The following UNC80 variants were observed in gnomAD, a reference collection of about 807,000 sequenced individuals.
UNC80 encodes the protein protein unc-80 homolog.
Under a neutral mutation model 384.6 loss-of-function variants are expected in UNC80, and 164 were observed. That is an observed-to-expected ratio of 0.43 (90% CI 0.38 to 0.49). The LOEUF (loss-of-function observed/expected upper bound fraction) is 0.49, where lower values mean the gene tolerates loss of function less well. Among genes scored for constraint, UNC80 ranks in the 20% least tolerant of loss-of-function variants. The pLI is 0.00. For missense variants in UNC80, 3,330 were observed against 4,143.0 expected, an observed-to-expected ratio of 0.80 and a Z score of 5.39; for synonymous variants, 1,486 against 1,527.8, an observed-to-expected ratio of 0.97 and a Z score of 0.64.
intron 51 of UNC80, among the ~76,000 whole-genome samples, chr2:209,962,852 G>C (rs772564793): frequency 2.0e-5 from 3 of 152,174 alleles, no homozygotes; most frequent in Non-Finnish European, 4.4e-5. Flanking sequence ...ATGTGTAAAA[G>C]TTGGAGCTTA....
At chr2:209,943,266 G>C in intron 44 of UNC80, 114 bp from the exon 45 acceptor site, 1 of 1,363,336 alleles carries the variant, frequency 7.3e-7, no homozygotes, top group Non-Finnish European at 9.8e-7. Flanking sequence ...CTCTCTACCA[G>C]TTTACAAAGT....
At chr2:209,984,186 A>G (rs190733914) in intron 60 of UNC80, among the ~76,000 whole-genome samples, 4 of 152,304 alleles carry the variant, frequency 2.6e-5, no homozygotes, top group Admixed American at 2.6e-4. Context: ...TCTCTCACCA[A>G]CCTGACAGGT....
intron 22 of UNC80, among the ~76,000 whole-genome samples, chr2:209,856,412 T>A (rs2082923247): frequency 6.6e-6 from 1 of 152,140 alleles, no homozygotes; most frequent in South Asian, 2.1e-4. Flanking sequence ...CTTCTTCAAT[T>A]TTTTCATACA....
At chr2:209,901,690 G>C (rs926705369) in intron 28 of UNC80, among the ~76,000 whole-genome samples, 1 of 152,104 alleles carries the variant, frequency 6.6e-6, no homozygotes, top group African/African-American at 2.4e-5. Flanking sequence ...ACTTTGGGAG[G>C]CCGAGACAGG....
rs2087225991 is a variant in UNC80 at position 209,900,102 on chromosome 2, C to T, written c.4581+3689C>T. 1.3e-5 allele frequency among the ~76,000 whole-genome samples: 2 copies of T among 152,206 alleles called. 1 individual carries two copies. The highest frequency in any genetic ancestry group is 2.9e-5 in the Non-Finnish European group (2 of 68,044). On this transcript the variant is annotated intron_variant, in intron 28 of 64. Coordinates refer to ENST00000673920, the MANE Select transcript of UNC80 (RefSeq NM_001371986.1). ...GAATATCCTTTCTCTCCACATCATA[C>T]CCTTCATCCTGACTGCCTCACTGTC...
chr2:209,913,980 T>G, intron 31 of UNC80, 40 bp downstream of exon 31: 2 of 1,505,526 alleles, frequency 1.3e-6, no homozygotes, highest in Non-Finnish European at 1.8e-6. Flanking sequence ...CTGCTGCCAC[T>G]GCTGTTACTG....
intron 33 of UNC80, among the ~76,000 whole-genome samples, 168 bp from the exon 34 acceptor site, chr2:209,921,332 G>A (rs2090024877): frequency 6.6e-6 from 1 of 152,076 alleles, no homozygotes; most frequent in Non-Finnish European, 1.5e-5. Flanking sequence ...ACCATACACA[G>A]CTTGGAAATT....
At chr2:209,944,588 G>A (rs965444629) in intron 45 of UNC80, among the ~76,000 whole-genome samples, 1 of 152,096 alleles carries the variant, frequency 6.6e-6, no homozygotes, top group South Asian at 2.1e-4. Context: ...ATTATTTAAA[G>A]CCATTTTAAA....
intron 46 of UNC80, among the ~76,000 whole-genome samples, chr2:209,945,579 T>C (rs1349823995): frequency 6.6e-6 from 1 of 152,200 alleles, no homozygotes; most frequent in Non-Finnish European, 1.5e-5. Context: ...TTAGGCAATT[T>C]AAATGCCCTT....
At chr2:209,907,745 T>C (rs559647191) in intron 29 of UNC80, among the ~76,000 whole-genome samples, 18 of 152,316 alleles carry the variant, frequency 1.2e-4, no homozygotes, top group African/African-American at 4.3e-4. Flanking sequence ...AGGAAGTCTT[T>C]CACATTTTGT....
intron 48 of UNC80, among the ~76,000 whole-genome samples, chr2:209,956,042 C>G (rs2092403672): frequency 6.6e-6 from 1 of 151,892 alleles, no homozygotes; most frequent in Non-Finnish European, 1.5e-5. Context: ...CCATACTCAG[C>G]CTATTTCTCC....
intron 44 of UNC80, among the ~76,000 whole-genome samples, chr2:209,942,124 T>C (rs879772632): frequency 6.6e-6 from 1 of 152,122 alleles, no homozygotes; most frequent in Non-Finnish European, 1.5e-5. Context: ...TAGATTTTCA[T>C]AGGAGCTGGA....
chr2:209,966,613 T>A (rs1248695195), intron 51 of UNC80, among the ~76,000 whole-genome samples: 1 of 152,252 alleles, frequency 6.6e-6, no homozygotes, highest in Non-Finnish European at 1.5e-5. Context: ...TCCCAATTAA[T>A]CTATTTGGCC....
chr2:209,959,944 T>A (rs1559398526), intron 51 of UNC80, among the ~76,000 whole-genome samples: 1 of 152,130 alleles, frequency 6.6e-6, no homozygotes, highest in Non-Finnish European at 1.5e-5. Context: ...AAAAGCACAG[T>A]TTATATATGT....
chr2:209,931,316 A>AC (rs1491517321), intron 38 of UNC80, among the ~76,000 whole-genome samples: 2 of 146,368 alleles, frequency 1.4e-5, no homozygotes, highest in Non-Finnish European at 3.0e-5. Flanking sequence ...TGTTGAGAAA[A>AC]CATGTGTTCT....
intron 29 of UNC80, among the ~76,000 whole-genome samples, chr2:209,910,011 C>T (rs2088725512): frequency 6.6e-6 from 1 of 150,522 alleles, no homozygotes; most frequent in African/African-American, 2.4e-5. Flanking sequence ...TACTAGTGGT[C>T]CTTTGAAGAG....
chr2:209,995,310 A>T lies in UNC80; in HGVS notation c.9709-19A>T. On this transcript the variant is annotated intron_variant, in intron 64 of 64. Transcript: ENST00000673920. ...ACCCATCCTATCTTTCCATAATGTTATGATCCTTTTGATCACAGAGTGAGA... is the reference window on the plus strand; with the variant it reads ...ACCCATCCTATCTTTCCATAATGTTTTGATCCTTTTGATCACAGAGTGAGA... 6.4e-7 allele frequency: 1 copy of T among 1,551,720 alleles called. No individual in the cohort carries two copies. The highest frequency in any genetic ancestry group is 8.7e-7 in the Non-Finnish European group (1 of 1,146,866).
chr2:209,930,346 AC>A (rs1350739431), intron 37 of UNC80, among the ~76,000 whole-genome samples: 1 of 152,142 alleles, frequency 6.6e-6, no homozygotes, highest in Non-Finnish European at 1.5e-5. Flanking sequence ...GATTTGTCAG[AC>A]CACCTTGTAA....
At position 209,867,273 on chromosome 2, in the gene UNC80, T is replaced by A. The variant is rs1422453352; in HGVS notation, c.3628-5485T>A. ...AGCTAAGGAATTTATTTTATCCATC[T>A]TCCTAAGTGACGCCTAGGCTCAAAT... On this transcript the variant is annotated intron_variant, in intron 22 of 64. Coordinates refer to ENST00000673920, the MANE Select transcript of UNC80 (RefSeq NM_001371986.1). Among the ~76,000 whole-genome samples the A allele has an allele frequency of 3.3e-5, 5 of 152,336 alleles. No individual in the cohort carries two copies. The Middle Eastern group carries it at 0.01, about 311-fold the overall frequency.
Sources: gnomAD v4.1 joint callset for allele counts (sites outside exome capture counted in the v4.1 genomes callset) on GRCh38, gnomAD v4.1.1 for gene constraint, MANE v1.5 for transcripts, NCBI Gene and HGNC (gene_info 2026-07-23, HGNC 2026-07-21) for gene names.